Variants in TAS1R2 observed in about 807,000 individuals in gnomAD.
The protein encoded by TAS1R2 is taste receptor type 1 member 2.
In TAS1R2, 47 loss-of-function variants were observed where a neutral mutation model predicts 49.3. The ratio of observed to expected loss-of-function variants is 0.95; its 90% confidence interval spans 0.75 to 1.22. The LOEUF (loss-of-function observed/expected upper bound fraction) is 1.22, where lower values mean the gene tolerates loss of function less well. TAS1R2 is among the 50% of genes most tolerant of loss of function. The probability of loss-of-function intolerance (pLI) is 0.00; values close to 1 mark genes in which losing one functional copy is unlikely to be tolerated. For missense variants in TAS1R2, 1,155 were observed against 1,122.1 expected (o/e 1.03, Z -0.42); for synonymous variants, 479 against 467.9 (o/e 1.02, Z -0.31).
chr1:18,840,431 T>G, exon 6 of TAS1R2: 3 of 1,614,126 alleles, frequency 1.9e-6, no homozygotes, highest in Non-Finnish European at 2.5e-6. Flanking sequence ...GGTGGGTGCC[T>G]CATGCCATTC....
Position 18,854,936 on chromosome 1 carries a change from C to A in TAS1R2, c.534G>T (p.Pro178=), listed in dbSNP as rs751599298. ...CGCTGGGTGTGGTACGCAGCAAAGC[C>A]GGGAAGCGCACCTTGTCTCGCAGCT... Residue 178 remains proline (P), a synonymous_variant, in exon 3 of 6, where the codon CCG becomes CCT. Coordinates refer to ENST00000375371, the Ensembl canonical transcript of TAS1R2. The surrounding 1 kb of genome is among the most constrained non-coding windows in gnomAD (Gnocchi z 4.9). 6.2e-7 allele frequency: 1 copy of A among 1,608,996 alleles called. No individual in the cohort carries two copies. The highest frequency in any genetic ancestry group is 8.5e-7 in the Non-Finnish European group (1 of 1,175,828).
At position 18,839,985 on chromosome 1, in the gene TAS1R2, C is replaced by T. The variant is rs143659721; in HGVS notation, c.2134G>A (p.Asp712Asn). The change falls in exon 6 of 6, where the codon GAC (aspartate) becomes AAC (asparagine). Residue 712 changes from aspartate (D) to asparagine (N), a missense_variant. Transcript: ENST00000375371. ...CAGGAGACAATTGTGATCTTGGGGT[C>T]ATCGGGGTCAGTACGGGTGGTGGGA... 75 of 1,614,200 alleles carry T rather than the reference C, an allele frequency of 4.6e-5. No individual in the cohort carries two copies. In the African/African-American group the frequency reaches 8.9e-4, roughly 19 times the overall value.
rs766687403 is a variant in TAS1R2, at chr1:18,841,752, C to T, written c.1568G>A (p.Gly523Asp). 13 of 1,613,672 alleles carry T rather than the reference C, an allele frequency of 8.1e-6. 1 individual carries two copies. In the Admixed American group the frequency reaches 1.8e-4, roughly 23 times the overall value. The change falls in exon 5 of 6, where the codon GGC becomes GAC. Residue 523 changes from glycine (G) to aspartate (D), a missense_variant. By Grantham distance (94) the Gly-to-Asp change is moderately conservative. Transcript: ENST00000375371. The stretch of plus-strand genomic sequence containing the variant: ...ACCTTCAGTGTGGTTGAGGAAGGTG[C>T]CGGGAAGGCAGTCGATGCACTCGAA...
chr1:18,840,013 G>A, exon 6 of TAS1R2: 1 of 1,613,330 alleles, frequency 6.2e-7, no homozygotes, highest in Non-Finnish European at 8.5e-7. Context: ...TGGTGGGACT[G>A]AGGCCCGTGG....
At chr1:18,839,948 T>C (rs1045743506) in exon 6 of TAS1R2, 2 of 1,613,354 alleles carry the variant, frequency 1.2e-6, no homozygotes, top group African/African-American at 2.7e-5. Context: ...GCTGTTGCGG[T>C]AGTTGGGGTT....
chr1:18,840,728 C>T (rs544909664), intron 5 of TAS1R2, among the ~76,000 whole-genome samples: 4 of 152,338 alleles, frequency 2.6e-5, no homozygotes, highest in Admixed American at 6.5e-5. Flanking sequence ...GATGAGGAAA[C>T]CAAGGCTCAG....
intron 2 of TAS1R2, among the ~76,000 whole-genome samples, chr1:18,856,475 T>G (rs1934138349): frequency 6.6e-6 from 1 of 152,174 alleles, no homozygotes; most frequent in Non-Finnish European, 1.5e-5. Context: ...ACCTCTAACA[T>G]CCTGCATCAC....
At chr1:18,849,060 A>C (rs1433523029) in intron 4 of TAS1R2, among the ~76,000 whole-genome samples, 5 of 152,188 alleles carry the variant, frequency 3.3e-5, no homozygotes, top group Non-Finnish European at 5.9e-5. Context: ...TGAGAATTGA[A>C]ATCATTAGCA....
At chr1:18,845,485 CCT>C (rs1933902075) in intron 4 of TAS1R2, among the ~76,000 whole-genome samples, 1 of 152,214 alleles carries the variant, frequency 6.6e-6, no homozygotes, top group Non-Finnish European at 1.5e-5. Flanking sequence ...TGGTGCTTCT[CCT>C]CTCTACAATC....
In TAS1R2 at chr1:18,854,194, A is replaced by G. The variant is rs774937487; in HGVS notation, c.1257+19T>C. On this transcript the variant is annotated intron_variant, in intron 3 of 5. Transcript: ENST00000375371. This position sits in a 1 kb window ranked among gnomAD's most constrained non-coding sequence, Gnocchi z 4.9. ...AGGATGGAGGTGCCCTGCAGACTCT[A>G]TGGCAGCCACCCCCTCACCTGCCAG... is the stretch of plus-strand genomic sequence containing the variant. 2 of 1,608,664 alleles carry G rather than the reference A, an allele frequency of 1.2e-6. No homozygotes were observed. Among genetic ancestry groups the G allele is most frequent in the Non-Finnish European group, 1.7e-6 (2 of 1,176,366 alleles).
At chr1:18,853,533 G>A (rs900524845) in intron 3 of TAS1R2, among the ~76,000 whole-genome samples, 1 of 152,116 alleles carries the variant, frequency 6.6e-6, no homozygotes, top group Non-Finnish European at 1.5e-5. Context: ...GATGGGAGAG[G>A]GATCTAGCAA....
In TAS1R2 at chr1:18,857,521, A is replaced by G. The variant is rs769839889; in HGVS notation, c.293T>C (p.Ile98Thr). 3.1e-6 allele frequency: 5 copies of G among 1,614,042 alleles called. No homozygotes were observed. The East Asian group carries it at 8.9e-5, about 29-fold the overall frequency. The change falls in exon 2 of 6, where the codon ATC becomes ACC. Residue 98 changes from isoleucine to threonine, a missense_variant. Coordinates refer to ENST00000375371, the Ensembl canonical transcript of TAS1R2. ...GTTGGAGATGTAGCACACATCCACG[A>G]TCTCATAGCCCAGCAGCACACCAGG...
intron 3 of TAS1R2, among the ~76,000 whole-genome samples, chr1:18,852,089 G>T (rs1934039254): frequency 2.0e-5 from 3 of 152,240 alleles, no homozygotes; most frequent in Non-Finnish European, 2.9e-5. Flanking sequence ...TTGGGATACA[G>T]CATTGGAAAG....
chr1:18,858,310 TCAC>T (rs142543099), intron 1 of TAS1R2: 14,489 of 151,642 alleles, frequency 0.096, 717 homozygotes, highest in African/African-American at 0.12. Flanking sequence ...ATCACTACGA[TCAC>T]CACCATCACC....
At chr1:18,850,258 C>G (rs1933997518) in intron 3 of TAS1R2, among the ~76,000 whole-genome samples, 1 of 152,252 alleles carries the variant, frequency 6.6e-6, no homozygotes, top group African/African-American at 2.4e-5. Flanking sequence ...GTTTCTGAAC[C>G]TTGCTGGGCT....
chr1:18,859,129 C>T (rs1029104105), intron 1 of TAS1R2, among the ~76,000 whole-genome samples: 2 of 152,300 alleles, frequency 1.3e-5, no homozygotes, highest in East Asian at 3.9e-4. Context: ...TGGGCTTTGA[C>T]ATGGACCCAT....
intron 3 of TAS1R2, among the ~76,000 whole-genome samples, chr1:18,852,615 C>T (rs1934051525): frequency 6.6e-6 from 1 of 152,162 alleles, no homozygotes; most frequent in South Asian, 2.1e-4. Flanking sequence ...TGAACGCCTG[C>T]TGCCTCTAGA....
rs1933791474 is a variant in TAS1R2 at position 18,840,131 on chromosome 1, C to G, written c.1988G>C (p.Ser663Thr). 13 of 1,614,128 alleles carry G rather than the reference C, an allele frequency of 8.1e-6. No homozygotes were observed. The highest frequency in any genetic ancestry group is 1.3e-5 in the African/African-American group (1 of 74,932). Reference sequence around the variant, plus strand: ...GTAGCTGTAGGCGCGTGGGAAGCGGCTGGCCATCTTGAAGGCGCAGACGAT... The same window carrying G: ...GTAGCTGTAGGCGCGTGGGAAGCGGGTGGCCATCTTGAAGGCGCAGACGAT... Residue 663 changes from serine (S) to threonine (T), a missense_variant, in exon 6 of 6, where the codon AGC becomes ACC. Ser to Thr is a moderately conservative substitution (Grantham distance 58, BLOSUM62 1). Coordinates refer to ENST00000375371, the Ensembl canonical transcript of TAS1R2.
chr1:18,850,041 A>G (rs948841583), intron 3 of TAS1R2, among the ~76,000 whole-genome samples: 17 of 152,256 alleles, frequency 1.1e-4, no homozygotes, highest in African/African-American at 3.6e-4. Flanking sequence ...GCAAAGGCCA[A>G]TTGGGGTCTC....
Sources: gnomAD v4.1 joint callset for allele counts (sites outside exome capture counted in the v4.1 genomes callset) on GRCh38, gnomAD v4.1.1 for gene constraint, Gnocchi (gnomAD v3.1) non-coding constraint, MANE v1.5 for transcripts, NCBI Gene and HGNC (gene_info 2026-07-23, HGNC 2026-07-21) for gene names.